The following HSD17B2 variants were observed in gnomAD, a reference collection of about 807,000 sequenced individuals.
The protein encoded by HSD17B2 is 17-beta-hydroxysteroid dehydrogenase type 2.
In HSD17B2, 32 loss-of-function variants were observed where a neutral mutation model predicts 26.9. That is an observed-to-expected ratio of 1.19 (90% confidence interval 0.90 to 1.60). The LOEUF (loss-of-function observed/expected upper bound fraction) is 1.60. Among genes scored for constraint, HSD17B2 ranks in the 40% most tolerant of loss-of-function variants. HSD17B2 has a pLI of 0.00. For missense variants in HSD17B2, 613 were observed against 468.6 expected (o/e 1.31, Z -2.85); for synonymous variants, 246 against 186.7 (o/e 1.32, Z -2.59).
chr16:82,075,401 G>T (rs8054838), intron 3 of HSD17B2, among the ~76,000 whole-genome samples: 1 of 152,004 alleles, frequency 6.6e-6, no homozygotes, highest in African/African-American at 2.4e-5. Flanking sequence ...CAAAAGATCA[G>T]CAAAATGAAA....
intron 1 of HSD17B2, among the ~76,000 whole-genome samples, chr16:82,064,738 G>A (rs1195831540): frequency 6.6e-6 from 1 of 152,226 alleles, no homozygotes; most frequent in Admixed American, 6.5e-5. Flanking sequence ...GTTTACCAGA[G>A]AGTGGAAAGC....
At chr16:82,087,068 T>C (rs1008205051) in intron 3 of HSD17B2, among the ~76,000 whole-genome samples, 2 of 152,166 alleles carry the variant, frequency 1.3e-5, no homozygotes, top group Non-Finnish European at 2.9e-5. Context: ...TACAGCTATC[T>C]TGAGGATTAG....
intron 3 of HSD17B2, among the ~76,000 whole-genome samples, chr16:82,078,802 T>C (rs991126632): frequency 1.3e-5 from 2 of 152,168 alleles, no homozygotes; most frequent in Non-Finnish European, 2.9e-5. Flanking sequence ...TCTCACTTAT[T>C]TGTGGGAGCT....
chr16:82,098,246 T>C lies in HSD17B2; in HGVS notation c.974T>C (p.Ile325Thr), dbSNP rs773357754. The change falls in exon 5 of 5, where the codon ATC becomes ACC. Residue 325 changes from isoleucine (I) to threonine (T), a missense_variant. Ile to Thr is a moderately conservative substitution (Grantham distance 89, BLOSUM62 -1). Transcript: ENST00000199936. ...GACTTCTCTCCGGTGCTGCGGGACA[T>C]CCAGCATGCTATCTTGGCGAAGAGC... The part of the protein sequence containing the change: ...SKDFSPVLRD[I>T]QHAILAKSPF... The C allele has an allele frequency of 6.2e-7, 1 of 1,614,218 alleles. No homozygotes were observed. Among genetic ancestry groups the C allele is most frequent in the South Asian group, 1.1e-5 (1 of 91,088 alleles).
At chr16:82,068,983 G>T (rs552259576) in intron 2 of HSD17B2, among the ~76,000 whole-genome samples, 1 of 152,262 alleles carries the variant, frequency 6.6e-6, no homozygotes, top group Admixed American at 6.5e-5. Context: ...GTAAGCATGT[G>T]CCATGGTGGT....
Position 82,035,408 on chromosome 16 carries a change from G to A in HSD17B2, c.-17G>A, listed in dbSNP as rs201909350. 42 of 1,604,540 alleles carry A rather than the reference G, an allele frequency of 2.6e-5. No individual in the cohort carries two copies. In the East Asian group the frequency reaches 9.2e-4, roughly 35 times the overall value. On this transcript the variant is annotated 5_prime_UTR_variant, in exon 1 of 5. Coordinates refer to ENST00000199936, the MANE Select transcript of HSD17B2 (RefSeq NM_002153.3). ...TCACTGGCCCTGAGCACTTGAAGGT[G>A]CAGCAAGTCACTGAGAATGAGCACT...
intron 1 of HSD17B2, among the ~76,000 whole-genome samples, chr16:82,066,663 T>C (rs960441918): frequency 6.6e-6 from 1 of 152,182 alleles, no homozygotes; most frequent in Non-Finnish European, 1.5e-5. Context: ...TATTTTATTT[T>C]TTTACATTTC....
chr16:82,064,221 A>C (rs907850189), intron 1 of HSD17B2, among the ~76,000 whole-genome samples: 6 of 152,148 alleles, frequency 3.9e-5, no homozygotes, highest in African/African-American at 1.4e-4. Flanking sequence ...CCTCTACTCA[A>C]AGGAAAAGGA....
chr16:82,091,884 CAG>C (rs1904705178), intron 4 of HSD17B2: 1 of 152,222 alleles, frequency 6.6e-6, no homozygotes, highest in African/African-American at 2.4e-5. Context: ...CATCAGCAAG[CAG>C]AGGCCACACT....
intron 3 of HSD17B2, among the ~76,000 whole-genome samples, chr16:82,078,287 C>G (rs921988912): frequency 6.6e-6 from 1 of 152,144 alleles, no homozygotes; most frequent in Non-Finnish European, 1.5e-5. Flanking sequence ...TGAAAATGTG[C>G]TCAATATCAT....
chr16:82,096,377 C>T (rs1007108334), intron 4 of HSD17B2: 2 of 152,122 alleles, frequency 1.3e-5, no homozygotes, highest in African/African-American at 4.8e-5. Flanking sequence ...CACCCACCAC[C>T]ATGCCCAGCT....
At chr16:82,036,855 A>G (rs1913639492) in intron 1 of HSD17B2, among the ~76,000 whole-genome samples, 1 of 152,142 alleles carries the variant, frequency 6.6e-6, no homozygotes, top group African/African-American at 2.4e-5. Context: ...TTTTTATTAG[A>G]ATTCTCAAAT....
At chr16:82,057,214 T>C (rs1322269486) in intron 1 of HSD17B2, among the ~76,000 whole-genome samples, 1 of 151,818 alleles carries the variant, frequency 6.6e-6, no homozygotes, top group East Asian at 1.9e-4. Context: ...CTTTTTTTTT[T>C]TTTGAGAGAG....
intron 3 of HSD17B2, among the ~76,000 whole-genome samples, chr16:82,073,210 C>T (rs1914736662): frequency 6.6e-6 from 1 of 151,804 alleles, no homozygotes; most frequent in Non-Finnish European, 1.5e-5. Flanking sequence ...ATATCTCACT[C>T]TTTTATTATT....
At chr16:82,046,509 G>T (rs1049981054) in intron 1 of HSD17B2, among the ~76,000 whole-genome samples, 1 of 152,060 alleles carries the variant, frequency 6.6e-6, no homozygotes, top group Non-Finnish European at 1.5e-5. Flanking sequence ...GATCACTTGA[G>T]CCCGGGAGTT....
rs1276905907 is a variant in HSD17B2 at position 82,072,750 on chromosome 16, G to T, written c.664+1623G>T. 5.3e-5 allele frequency among the ~76,000 whole-genome samples: 8 copies of T among 152,292 alleles called. No individual in the cohort carries two copies. In the South Asian group the frequency reaches 1.7e-3, roughly 32 times the overall value. On this transcript the variant is annotated intron_variant, in intron 3 of 4. Transcript: ENST00000199936. Reference sequence around the variant, plus strand: ...AAATGGAAAATGGATTAATGAATGGGTAAGTGAAAAGCTTACAGTACAAGG... The same window carrying T: ...AAATGGAAAATGGATTAATGAATGGTTAAGTGAAAAGCTTACAGTACAAGG...
At chr16:82,067,009 A>G (rs982445453) in intron 1 of HSD17B2, among the ~76,000 whole-genome samples, 4 of 152,220 alleles carry the variant, frequency 2.6e-5, no homozygotes, top group African/African-American at 9.6e-5. Flanking sequence ...AGATAGGCCA[A>G]TTCACACTGG....
At chr16:82,074,910 G>A (rs979418534) in intron 3 of HSD17B2, among the ~76,000 whole-genome samples, 2 of 152,164 alleles carry the variant, frequency 1.3e-5, no homozygotes, top group East Asian at 1.9e-4. Context: ...TTCTTCTCCT[G>A]AGCACATGGA....
chr16:82,047,183 A>C (rs902320781), intron 1 of HSD17B2, among the ~76,000 whole-genome samples: 6 of 152,342 alleles, frequency 3.9e-5, no homozygotes, highest in South Asian at 4.1e-4. Flanking sequence ...GTGAGCAATC[A>C]TAAGTGCTCT....
Sources: allele counts gnomAD v4.1 joint callset (sites outside exome capture counted in the v4.1 genomes callset), GRCh38; gene constraint gnomAD v4.1.1; transcripts MANE v1.5; gene names NCBI Gene and HGNC (gene_info 2026-07-23, HGNC 2026-07-21).